The following GOLPH3L variants were observed in gnomAD, a reference collection of about 807,000 sequenced individuals.
The protein encoded by GOLPH3L is golgi phosphoprotein 3 like, also known as Golgi phosphoprotein 3-like.
In GOLPH3L, 22 loss-of-function variants were observed where a neutral mutation model predicts 30.3. That is an observed-to-expected ratio of 0.73 (90% CI 0.52 to 1.04). The LOEUF is 1.04. GOLPH3L is among the 50% of genes least tolerant of loss of function. The pLI, the probability that GOLPH3L is intolerant of heterozygous loss-of-function variation, is 0.00. For missense variants in GOLPH3L, 303 were observed against 345.8 expected (o/e 0.88, Z 0.98); for synonymous variants, 120 against 128.2 (o/e 0.94, Z 0.43).
intron 2 of GOLPH3L, among the ~76,000 whole-genome samples, chr1:150,690,764 A>C (rs1220176119): frequency 6.6e-6 from 1 of 151,990 alleles, no homozygotes. Context: ...TTCTCCATTC[A>C]TGTTAATCCT....
chr1:150,683,971 A>C (rs1651025639), intron 2 of GOLPH3L, among the ~76,000 whole-genome samples: 2 of 152,118 alleles, frequency 1.3e-5, no homozygotes, highest in Admixed American at 1.3e-4. Flanking sequence ...CTCAGAATAC[A>C]TCTGTCTTTG....
At position 150,647,490 on chromosome 1, in the gene GOLPH3L, C is replaced by CAAAAG. The variant is rs1380911909; in HGVS notation, c.*826_*830dup. 25 of 135,334 alleles carry CAAAAG rather than the reference C, an allele frequency of 1.8e-4. No homozygotes were observed. Among genetic ancestry groups the CAAAAG allele is most frequent in the African/African-American group, 6.9e-4 (25 of 36,224 alleles). The allele number at this position is 135,334 out of a possible 1,614,324, so 8.4% of individuals were successfully genotyped here. A position where few individuals can be genotyped will look rare whatever the true frequency, so the allele number is the denominator to read the frequency against. On this transcript the variant is annotated 3_prime_UTR_variant, in exon 5 of 5. Transcript: ENST00000271732. ...CCTGGGCAAGAGCAAGACCCTGTCTCAAAAGAAAAAAAAAAAAAAAGTGGC... is the reference window on the plus strand; with the variant it reads ...CCTGGGCAAGAGCAAGACCCTGTCTCAAAAGAAAAGAAAAAAAAAAAAAAAGTGGC...
chr1:150,680,443 C>T (rs1266406535), intron 2 of GOLPH3L, among the ~76,000 whole-genome samples: 1 of 151,984 alleles, frequency 6.6e-6, no homozygotes, highest in Non-Finnish European at 1.5e-5. Flanking sequence ...AGTGAACAAT[C>T]GTATTTACTT....
At position 150,646,657 on chromosome 1, in the gene GOLPH3L, T is replaced by C. The variant is rs1005008500; in HGVS notation, c.*1664A>G. On this transcript the variant is annotated 3_prime_UTR_variant, in exon 5 of 5. Coordinates refer to ENST00000271732, the MANE Select transcript of GOLPH3L (RefSeq NM_018178.6). ...CTGAGCTGGGGCATTTTTGTGGGGC[T>C]AAGTAGATTTGGCAGAGGAGAGAAA... The C allele has an allele frequency of 6.6e-6, 1 of 152,202 alleles. No individual in the cohort carries two copies. The allele number at this position is 152,202 out of a possible 1,614,324, so 9.4% of individuals were successfully genotyped here.
Position 150,680,425 on chromosome 1 carries a change from A to C in GOLPH3L, c.183+14231T>G, listed in dbSNP as rs79051233. ...TTAAAGGATTATACATTATCCAAGTAAGAAAATAGTGAACAATCGTATTTA... is the reference window on the plus strand; with the variant it reads ...TTAAAGGATTATACATTATCCAAGTCAGAAAATAGTGAACAATCGTATTTA... On this transcript the variant is annotated intron_variant, in intron 2 of 4. Transcript: ENST00000271732. Among the ~76,000 whole-genome samples, 1,223 of 152,300 alleles carry C rather than the reference A, an allele frequency of 8.0e-3. 9 individuals are homozygous for C. Among genetic ancestry groups the C allele is most frequent in the Non-Finnish European group, 0.011 (733 of 68,024 alleles).
intron 4 of GOLPH3L, among the ~76,000 whole-genome samples, chr1:150,661,035 C>G (rs1490733915): frequency 6.6e-6 from 1 of 152,134 alleles, no homozygotes; most frequent in Non-Finnish European, 1.5e-5. Flanking sequence ...CGAGACAAGC[C>G]TGGCCAATAT....
intron 4 of GOLPH3L, among the ~76,000 whole-genome samples, chr1:150,653,088 C>T (rs768630420): frequency 1.3e-5 from 2 of 148,542 alleles, no homozygotes; most frequent in Non-Finnish European, 3.0e-5. Context: ...AGTTTAAGAC[C>T]AGTCTGGGTA....
At chr1:150,650,727 C>T (rs1250442227) in intron 4 of GOLPH3L, among the ~76,000 whole-genome samples, 4 of 152,192 alleles carry the variant, frequency 2.6e-5, no homozygotes, top group African/African-American at 7.2e-5. Flanking sequence ...CTGTCTTCCA[C>T]GAAACCTGTC....
intron 2 of GOLPH3L, among the ~76,000 whole-genome samples, chr1:150,691,241 T>C (rs1054679208): frequency 4.0e-5 from 6 of 151,610 alleles, no homozygotes; most frequent in African/African-American, 1.5e-4. Flanking sequence ...CCCAGCACTT[T>C]GGGAGGCCAC....
Position 150,692,544 on chromosome 1 carries a change from T to A in GOLPH3L, c.183+2112A>T, listed in dbSNP as rs587731820. Among the ~76,000 whole-genome samples, 6 of 152,256 alleles carry A rather than the reference T, an allele frequency of 3.9e-5. No homozygotes were observed. The East Asian group carries it at 9.6e-4, about 24-fold the overall frequency. ...AGGACTACAGGCATGTGCCACCATG[T>A]CCAGCTAATTTTTTTGTTTTAAATT... On this transcript the variant is annotated intron_variant, in intron 2 of 4. Coordinates refer to ENST00000271732, the MANE Select transcript of GOLPH3L (RefSeq NM_018178.6).
At chr1:150,653,907 T>G (rs1004741179) in intron 4 of GOLPH3L, among the ~76,000 whole-genome samples, 3 of 151,770 alleles carry the variant, frequency 2.0e-5, no homozygotes, top group Non-Finnish European at 4.4e-5. Context: ...GGATTACAGG[T>G]GCCCACCACC....
intron 2 of GOLPH3L, among the ~76,000 whole-genome samples, chr1:150,674,036 T>G (rs1307754014): frequency 6.6e-6 from 1 of 152,000 alleles, no homozygotes; most frequent in Non-Finnish European, 1.5e-5. Context: ...AATTTATTCA[T>G]CCACTTATAT....
intron 2 of GOLPH3L, among the ~76,000 whole-genome samples, chr1:150,692,085 T>C (rs1651227443): frequency 6.6e-6 from 1 of 152,148 alleles, no homozygotes; most frequent in South Asian, 2.1e-4. Flanking sequence ...AGCATAATCC[T>C]AAGCACATAA....
intron 2 of GOLPH3L, among the ~76,000 whole-genome samples, chr1:150,683,290 A>C (rs1423588760): frequency 5.3e-5 from 8 of 151,962 alleles, no homozygotes; most frequent in Admixed American, 5.2e-4. Context: ...TAATCCCAGC[A>C]CTTTGGAAGG....
Position 150,663,546 on chromosome 1 carries a change from A to G in GOLPH3L, c.315+86T>C, listed in dbSNP as rs78342609. On this transcript the variant is annotated intron_variant, in intron 3 of 4. Coordinates refer to ENST00000271732, the MANE Select transcript of GOLPH3L (RefSeq NM_018178.6). ...GAGTCAGTGATATTTATTTTATCTT[A>G]CTACTCAAATCTTTCTATTCTTCCC... The G allele has an allele frequency of 2.3e-3, 2,793 of 1,213,030 alleles. 41 individuals are homozygous for G. In the East Asian group the frequency reaches 0.034, roughly 15 times the overall value. The allele number at this position is 1,213,030 out of a possible 1,614,324, so 75.1% of individuals were successfully genotyped here.
chr1:150,658,535 C>T (rs986313285), intron 4 of GOLPH3L, among the ~76,000 whole-genome samples: 2 of 152,110 alleles, frequency 1.3e-5, no homozygotes, highest in African/African-American at 4.8e-5. Context: ...TATGTGTAAA[C>T]AAAATTGAAC....
intron 1 of GOLPH3L, among the ~76,000 whole-genome samples, chr1:150,696,060 CA>C (rs1651346078): frequency 6.6e-6 from 1 of 152,050 alleles, no homozygotes; most frequent in Admixed American, 6.5e-5. Context: ...TATTTTAAAT[CA>C]GCAATTATAT....
intron 2 of GOLPH3L, among the ~76,000 whole-genome samples, chr1:150,677,827 T>C (rs1650850399): frequency 6.6e-6 from 1 of 151,476 alleles, no homozygotes; most frequent in Admixed American, 6.6e-5. Flanking sequence ...GGTCTTGCTA[T>C]GTTGCCCAAG....
intron 2 of GOLPH3L, among the ~76,000 whole-genome samples, chr1:150,664,925 C>T (rs1650461670): frequency 6.6e-6 from 1 of 152,228 alleles, no homozygotes; most frequent in East Asian, 1.9e-4. Context: ...TATAAGAAAG[C>T]ATTTAGTATA....
Sources: gnomAD v4.1 joint callset for allele counts (sites outside exome capture counted in the v4.1 genomes callset) on GRCh38, gnomAD v4.1.1 for gene constraint, MANE v1.5 for transcripts, NCBI Gene and HGNC (gene_info 2026-07-23, HGNC 2026-07-21) for gene names.